TICRR: variants seen among roughly 807,000 people sequenced by gnomAD.
TICRR encodes TOPBP1 interacting checkpoint and replication regulator.
A neutral mutation model predicts 178.1 loss-of-function variants in TICRR; 132 were observed. That is an observed-to-expected ratio of 0.74 (90% CI 0.64 to 0.86). TICRR has a LOEUF of 0.86. TICRR is among the 40% of genes least tolerant of loss of function. The pLI, the probability that TICRR is intolerant of heterozygous loss-of-function variation, is 0.00. For missense variants in TICRR, 2,587 were observed against 2,334.3 expected, an observed-to-expected ratio of 1.11 and a Z score of -2.23; for synonymous variants, 991 against 900.7, an observed-to-expected ratio of 1.10 and a Z score of -1.79.
intron 15 of TICRR, 149 bp downstream of exon 15, chr15:89,609,098 ATCTTTT>A: frequency 1.3e-4 from 22 of 167,346 alleles, no homozygotes; most frequent in Non-Finnish European, 1.9e-4. Context: ...AATTTTGTTA[ATCTTTT>A]TTTTTTTTTT....
chr15:89,599,999 G>C (rs935595698), intron 8 of TICRR, among the ~76,000 whole-genome samples: 2 of 152,110 alleles, frequency 1.3e-5, no homozygotes, highest in African/African-American at 2.4e-5. Context: ...CCAGCTACTC[G>C]GGAGGCTGAG....
chr15:89,625,494 CA>C lies in TICRR; in HGVS notation c.5185del (p.Ile1729SerfsTer42). 6.2e-7 allele frequency: 1 copy of C among 1,613,954 alleles called. No homozygotes were observed. Among genetic ancestry groups the C allele is most frequent in the Middle Eastern group, 1.6e-4 (1 of 6,062 alleles). On this transcript the variant is annotated frameshift_variant, in exon 20 of 22. Coordinates refer to ENST00000268138, the MANE Select transcript of TICRR (RefSeq NM_152259.4). LOFTEE classifies it high-confidence loss of function. The part of the protein sequence containing the change: ...EGKDHGLELS[I>X]HRTPILEDFE... ...GCAAGGACCACGGCCTTGAACTCAG[CA>C]TCCACAGGACGCCCATCTTGGAGGA...
chr15:89,582,740 C>T lies in TICRR; in HGVS notation c.709C>T (p.His237Tyr), dbSNP rs779928202. The T allele has an allele frequency of 6.2e-7, 1 of 1,614,184 alleles. No homozygotes were observed. Among genetic ancestry groups the T allele is most frequent in the Non-Finnish European group, 8.5e-7 (1 of 1,180,036 alleles). ...CTGGACTGTTTGTGAACTGCTCCAC[C>T]ACGGAGGTGGCACTGTCTTGCCATC... ...GYWTVCELLHHGGGTVLPSES... is the reference protein window; with the variant it reads ...GYWTVCELLHYGGGTVLPSES... Residue 237 changes from histidine (H) to tyrosine (Y), a missense_variant, in exon 2 of 22, where the codon CAC becomes TAC. Coordinates refer to ENST00000268138, the MANE Select transcript of TICRR (RefSeq NM_152259.4).
intron 13 of TICRR, among the ~76,000 whole-genome samples, chr15:89,605,919 A>C (rs1963169578): frequency 6.6e-6 from 1 of 152,242 alleles, no homozygotes; most frequent in Admixed American, 6.5e-5. Flanking sequence ...TGTAATAGCA[A>C]GTACATAGCA....
In TICRR at chr15:89,575,748, G is replaced by A. The variant is rs1962599116; in HGVS notation, c.162G>A (p.Gly54=). Residue 54 remains glycine (G), a synonymous_variant, in exon 1 of 22, where the codon GGG becomes GGA. Transcript: ENST00000268138. Reference sequence around the variant, plus strand: ...CCTTCAAGTTCTTTGACTCGCAGGGGGCGCGGAGCCGGCCGTCCCGCGTGT... The same window carrying A: ...CCTTCAAGTTCTTTGACTCGCAGGGAGCGCGGAGCCGGCCGTCCCGCGTGT... ...HWAFKFFDSQ[G]ARSRPSRVSD... is the part of the protein sequence containing the mutation. 6.2e-7 allele frequency: 1 copy of A among 1,609,832 alleles called. No individual in the cohort carries two copies. The highest frequency in any genetic ancestry group is 1.3e-5 in the African/African-American group (1 of 74,872).
At chr15:89,590,488 G>A (rs1439835993) in intron 4 of TICRR, among the ~76,000 whole-genome samples, 1 of 152,170 alleles carries the variant, frequency 6.6e-6, no homozygotes, top group Non-Finnish European at 1.5e-5. Flanking sequence ...TCTGGTAAAG[G>A]AAGAACTGCA....
Position 89,606,762 on chromosome 15 carries a change from T to G in TICRR, c.2665-6T>G. 2 of 1,613,480 alleles carry G rather than the reference T, an allele frequency of 1.2e-6. No individual in the cohort carries two copies. Among genetic ancestry groups the G allele is most frequent in the Non-Finnish European group, 1.7e-6 (2 of 1,179,508 alleles). ...AATTTTCTTTCTGGATTTTCTCATG[T>G]TTCAGGAGAACTCTCACCCTGCTCC... On this transcript the variant is annotated splice_region_variant and splice_polypyrimidine_tract_variant and intron_variant, in intron 13 of 21. Transcript: ENST00000268138.
Position 89,619,600 on chromosome 15 carries a change from T to G in TICRR, c.3020-108T>G, listed in dbSNP as rs992563510. 7 of 1,202,532 alleles carry G rather than the reference T, an allele frequency of 5.8e-6. No homozygotes were observed. In the Admixed American group the frequency reaches 1.7e-4, roughly 29 times the overall value. 74.5% of individuals were successfully genotyped at this position (1,202,532 alleles called of 1,614,324 possible). ...CTTAAAGCTAATAGCTTGCTGAATTTCCATCTTATATGTGGTACTATGTAA... is the reference window on the plus strand; with the variant it reads ...CTTAAAGCTAATAGCTTGCTGAATTGCCATCTTATATGTGGTACTATGTAA... On this transcript the variant is annotated intron_variant, in intron 17 of 21. Transcript: ENST00000268138.
chr15:89,591,967 G>A (rs1962920348), intron 4 of TICRR, 80 bp from the exon 5 acceptor site: 2 of 1,385,278 alleles, frequency 1.4e-6, no homozygotes, highest in African/African-American at 1.4e-5. Flanking sequence ...GTCAGTCCAG[G>A]GGAGGAGCAA....
At chr15:89,603,106 G>A (rs1963122763) in intron 13 of TICRR, among the ~76,000 whole-genome samples, 1 of 152,038 alleles carries the variant, frequency 6.6e-6, no homozygotes. Flanking sequence ...GTAATGTGAA[G>A]AAAAATGGCA....
rs1253639762 is a variant in TICRR, at chr15:89,608,836, AGG to A, written c.2757_2758del (p.Glu920IlefsTer15). On this transcript the variant is annotated frameshift_variant, in exon 15 of 22. Transcript: ENST00000268138. LOFTEE classifies it high-confidence loss of function. ...AAAGTTCGAAGAAATCTTTTCAACCAGGAATTGCTTTCCCCTTCAAAGAGATC... is the reference window on the plus strand; with the variant it reads ...AAAGTTCGAAGAAATCTTTTCAACCAAATTGCTTTCCCCTTCAAAGAGATC... 1 of 1,603,808 alleles carries A rather than the reference AGG, an allele frequency of 6.2e-7. No individual in the cohort carries two copies. The highest frequency in any genetic ancestry group is 2.3e-5 in the East Asian group (1 of 44,212).
intron 7 of TICRR, among the ~76,000 whole-genome samples, chr15:89,597,133 A>G (rs1963010254): frequency 6.6e-6 from 1 of 152,168 alleles, no homozygotes; most frequent in Non-Finnish European, 1.5e-5. Context: ...ATGTTTGAAT[A>G]TTCAACATTT....
rs1962983344 is a variant in TICRR, at chr15:89,595,534, T to C, written c.1823T>C (p.Ile608Thr). 1.2e-6 allele frequency: 2 copies of C among 1,613,992 alleles called. No homozygotes were observed. Among genetic ancestry groups the C allele is most frequent in the Non-Finnish European group, 1.7e-6 (2 of 1,179,998 alleles). Residue 608 changes from isoleucine to threonine, a missense_variant, in exon 7 of 22, where the codon ATC (isoleucine) becomes ACC (threonine). Coordinates refer to ENST00000268138, the MANE Select transcript of TICRR (RefSeq NM_152259.4). Reference sequence around the variant, plus strand: ...CCGGATGTGGCTGGGGAGAAAGGAATCCAAAAGATACCTAGTGGGAGAACA... The same window carrying C: ...CCGGATGTGGCTGGGGAGAAAGGAACCCAAAAGATACCTAGTGGGAGAACA... ...GSPDVAGEKG[I>T]QKIPSGRTVD...
intron 1 of TICRR, chr15:89,579,707 G>A (rs1962689008): frequency 6.6e-6 from 1 of 152,022 alleles, no homozygotes; most frequent in Non-Finnish European, 1.5e-5. Flanking sequence ...GGGTGTCATG[G>A]GAGTGGGATT....
Position 89,608,762 on chromosome 15 carries a change from C to G in TICRR, c.2723-41C>G, listed in dbSNP as rs368949290. On this transcript the variant is annotated intron_variant, in intron 14 of 21. Coordinates refer to ENST00000268138, the MANE Select transcript of TICRR (RefSeq NM_152259.4). ...AGATACGGCATTTATTGATGATAATCTTTGGGTTTTTCTTTTTCTTTTAAT... is the reference window on the plus strand; with the variant it reads ...AGATACGGCATTTATTGATGATAATGTTTGGGTTTTTCTTTTTCTTTTAAT... 3.5e-4 allele frequency: 533 copies of G among 1,531,952 alleles called. 2 individuals are homozygous for G. The highest frequency in any genetic ancestry group is 1.8e-3 in the South Asian group (145 of 78,664). The allele number at this position is 1,531,952 out of a possible 1,614,324, so 94.9% of individuals were successfully genotyped here.
At chr15:89,614,509 T>C (rs1963304358) in intron 15 of TICRR, among the ~76,000 whole-genome samples, 1 of 152,094 alleles carries the variant, frequency 6.6e-6, no homozygotes, top group African/African-American at 2.4e-5. Context: ...TTTGTATTTT[T>C]TTGTAAAGAT....
intron 15 of TICRR, among the ~76,000 whole-genome samples, chr15:89,609,503 C>A (rs2141971295): frequency 6.6e-6 from 1 of 152,154 alleles, no homozygotes; most frequent in East Asian, 1.9e-4. Context: ...CAGAGTCTCA[C>A]TCACTCTGTC....
At chr15:89,609,098 A>ATTTTTTTTT (rs1404698569) in intron 15 of TICRR, 149 bp downstream of exon 15, 2 of 167,112 alleles carry the variant, frequency 1.2e-5, no homozygotes, top group African/African-American at 1.2e-4. Flanking sequence ...AATTTTGTTA[A>ATTTTTTTTT]TCTTTTTTTT....
At chr15:89,619,603 AT>A in intron 17 of TICRR, 104 bp from the exon 18 acceptor site, 1 of 1,228,838 alleles carries the variant, frequency 8.1e-7, no homozygotes, top group East Asian at 2.4e-5. Flanking sequence ...CTGAATTTCC[AT>A]CTTATATGTG....
Sources: allele counts gnomAD v4.1 joint callset (sites outside exome capture counted in the v4.1 genomes callset), GRCh38; gene constraint gnomAD v4.1.1; transcripts MANE v1.5; gene names NCBI Gene and HGNC (gene_info 2026-07-23, HGNC 2026-07-21).